LARP1B: variants seen among roughly 807,000 people sequenced by gnomAD.
LARP1B encodes la-related protein 1B.
A neutral mutation model predicts 114.2 loss-of-function variants in LARP1B; 76 were observed. The observed-to-expected ratio is 0.67, with a 90% CI of 0.55 to 0.81. LARP1B has a LOEUF of 0.81. LARP1B is among the 30% of genes least tolerant of loss of function. The pLI is 0.00. For missense variants in LARP1B, 1,014 were observed against 1,075.8 expected, an observed-to-expected ratio of 0.94 and a Z score of 0.80; for synonymous variants, 345 against 348.0, an observed-to-expected ratio of 0.99 and a Z score of 0.10.
rs531757393 is a variant in LARP1B, at chr4:128,141,037, A to C, written c.1524+18849A>C. 4.8e-3 allele frequency among the ~76,000 whole-genome samples: 735 copies of C among 151,806 alleles called. 3 individuals carry two copies. Among genetic ancestry groups the C allele is most frequent in the Middle Eastern group, 0.01 (3 of 294 alleles). On this transcript the variant is annotated intron_variant, in intron 11 of 19. Transcript: ENST00000326639. ...CATCATCTTGGCCAGGCTGGTCTTG[A>C]ACTCCTGACCTCGTGATCCACCTGC... is the stretch of plus-strand genomic sequence containing the variant.
chr4:128,098,681 C>G (rs1026904179), intron 8 of LARP1B, among the ~76,000 whole-genome samples: 3 of 136,704 alleles, frequency 2.2e-5, no homozygotes, highest in Non-Finnish European at 3.1e-5. Flanking sequence ...TAGAGTACAA[C>G]GGCGCAATCA....
intron 1 of LARP1B, chr4:128,062,178 C>T (rs1347632011): frequency 1.0e-6 from 1 of 985,208 alleles, no homozygotes; most frequent in Non-Finnish European, 1.2e-6. Flanking sequence ...TCCCCAGACA[C>T]GACAGGTCCG....
chr4:128,083,852 C>CTCACT (rs1387040376), intron 5 of LARP1B, among the ~76,000 whole-genome samples: 1 of 151,836 alleles, frequency 6.6e-6, no homozygotes, highest in Non-Finnish European at 1.5e-5. Context: ...GGAGACGCTC[C>CTCACT]TCACTTCCCA....
chr4:128,122,449 T>TG lies in LARP1B; in HGVS notation c.1524+261_1524+262insG, dbSNP rs752885038. On this transcript the variant is annotated intron_variant, in intron 11 of 19. Coordinates refer to ENST00000326639, the MANE Select transcript of LARP1B (RefSeq NM_018078.4). Reference sequence around the variant, plus strand: ...TGACTTATACCCTTGTTTTTTTTTTTTTTTGTTTTGTTTTTTTTTGTTTTT... The same window carrying TG: ...TGACTTATACCCTTGTTTTTTTTTTTGTTTTGTTTTGTTTTTTTTTGTTTTT... 266 of 1,513,582 alleles carry TG rather than the reference T, an allele frequency of 1.8e-4. 2 individuals carry two copies. In the African/African-American group the frequency reaches 3.2e-3, roughly 18 times the overall value. 93.8% of individuals were successfully genotyped at this position (1,513,582 alleles called of 1,614,324 possible). A position where few individuals can be genotyped will look rare whatever the true frequency, so the allele number is the denominator to read the frequency against.
At chr4:128,176,076 C>G (rs1581298446) in intron 12 of LARP1B, among the ~76,000 whole-genome samples, 1 of 146,848 alleles carries the variant, frequency 6.8e-6, no homozygotes, top group Non-Finnish European at 1.5e-5. Flanking sequence ...CTAGGATTGT[C>G]TCTGTCTCTC....
chr4:128,212,144 C>G (rs908802278), downstream of LARP1B, among the ~76,000 whole-genome samples: 2 of 151,782 alleles, frequency 1.3e-5, no homozygotes, highest in Non-Finnish European at 2.9e-5. Context: ...AACTCCTGGT[C>G]TCAAGTGATC....
chr4:128,107,435 CTT>C (rs1259219545), intron 9 of LARP1B, 122 bp downstream of exon 9: 9 of 1,506,748 alleles, frequency 6.0e-6, no homozygotes, highest in East Asian at 2.5e-5. Flanking sequence ...AACTGAAAGA[CTT>C]TTGAGTCCCA....
At chr4:128,173,132 A>G (rs1306725222) in intron 12 of LARP1B, among the ~76,000 whole-genome samples, 2 of 152,012 alleles carry the variant, frequency 1.3e-5, no homozygotes, top group African/African-American at 4.8e-5. Context: ...TTTTGCTAGC[A>G]AAGTGTGAAT....
chr4:128,094,412 T>C lies in LARP1B; in HGVS notation c.668+2900T>C, dbSNP rs551313650. On this transcript the variant is annotated intron_variant, in intron 7 of 19. Coordinates refer to ENST00000326639, the MANE Select transcript of LARP1B (RefSeq NM_018078.4). ...TCTTTTTCTTTTTCTTTTTTTTTTTTTTTTTTGAGACATTGTCTCACTCTG... is the reference window on the plus strand; with the variant it reads ...TCTTTTTCTTTTTCTTTTTTTTTTTCTTTTTTGAGACATTGTCTCACTCTG... Among the ~76,000 whole-genome samples, 3 of 149,300 alleles carry C rather than the reference T, an allele frequency of 2.0e-5. No individual in the cohort carries two copies. The East Asian group carries it at 5.8e-4, about 29-fold the overall frequency.
intron 4 of LARP1B, among the ~76,000 whole-genome samples, chr4:128,079,092 C>CTTTTTT (rs75874776): frequency 7.0e-6 from 1 of 142,260 alleles, no homozygotes; most frequent in Admixed American, 7.1e-5. Flanking sequence ...AATAGTTTGT[C>CTTTTTT]TTTTTTTTTT....
intron 17 of LARP1B, among the ~76,000 whole-genome samples, chr4:128,205,434 C>T (rs1016356920): frequency 8.5e-5 from 13 of 152,210 alleles, no homozygotes; most frequent in African/African-American, 3.1e-4. Context: ...TTCTGCTCAT[C>T]ACCTGTGGTT....
chr4:128,210,787 A>G lies in LARP1B; in HGVS notation c.*734A>G, dbSNP rs1053930537. 1.0e-6 allele frequency: 1 copy of G among 983,330 alleles called. No homozygotes were observed. The highest frequency in any genetic ancestry group is 1.7e-5 in the African/African-American group (1 of 57,180). The allele number at this position is 983,330 out of a possible 1,614,324, so 60.9% of individuals were successfully genotyped here. A position where few individuals can be genotyped will look rare whatever the true frequency, so the allele number is the denominator to read the frequency against. On this transcript the variant is annotated 3_prime_UTR_variant, in exon 20 of 20. Transcript: ENST00000326639. ...TCTGAATTGGCTATAAGCTGATTAC[A>G]TATTAGAGGTTTATTTTTATGATTC...
intron 15 of LARP1B, among the ~76,000 whole-genome samples, chr4:128,193,864 T>C (rs998235677): frequency 3.9e-5 from 6 of 152,198 alleles, no homozygotes; most frequent in African/African-American, 9.6e-5. Flanking sequence ...GAGATCCGCC[T>C]GCCTTGGCCT....
At chr4:128,166,958 CTCTCTCTCTCTCTATATA>C (rs1487880702) in intron 12 of LARP1B, among the ~76,000 whole-genome samples, 2 of 113,640 alleles carry the variant, frequency 1.8e-5, no homozygotes, top group Admixed American at 9.3e-5. Flanking sequence ...CTCTCTCTCT[CTCTCTCTCTCTCTATATA>C]TATATATATA....
intron 9 of LARP1B, among the ~76,000 whole-genome samples, chr4:128,113,130 A>G (rs1580568500): frequency 6.6e-6 from 1 of 152,168 alleles, no homozygotes; most frequent in East Asian, 1.9e-4. Flanking sequence ...ATTTTATGGT[A>G]TACATTTTTG....
At chr4:128,099,769 G>T (rs1459432335) in intron 8 of LARP1B, among the ~76,000 whole-genome samples, 3 of 151,902 alleles carry the variant, frequency 2.0e-5, no homozygotes, top group African/African-American at 7.3e-5. Flanking sequence ...ATCTAGTATT[G>T]TGATTGCTGG....
intron 1 of LARP1B, chr4:128,061,610 G>T: frequency 3.3e-6 from 3 of 901,176 alleles, no homozygotes; most frequent in Non-Finnish European, 4.0e-6. Context: ...AGTTGGAGCC[G>T]GCCGGTGTCC....
upstream of LARP1B, among the ~76,000 whole-genome samples, chr4:128,060,807 G>C (rs981588408): frequency 1.3e-5 from 2 of 152,246 alleles, no homozygotes; most frequent in African/African-American, 4.8e-5. Flanking sequence ...CCTGGGGGAG[G>C]CGCCGGGCGC....
intron 11 of LARP1B, among the ~76,000 whole-genome samples, chr4:128,136,672 A>G (rs1435956977): frequency 6.6e-6 from 1 of 152,230 alleles, no homozygotes; most frequent in Admixed American, 6.5e-5. Context: ...TATACATGGT[A>G]CTTAGACCTC....
Sources: allele counts gnomAD v4.1 joint callset (sites outside exome capture counted in the v4.1 genomes callset), GRCh38; gene constraint gnomAD v4.1.1; transcripts MANE v1.5; gene names NCBI Gene and HGNC (gene_info 2026-07-23, HGNC 2026-07-21).